The following ERAP1 variants were observed in gnomAD, a reference collection of about 807,000 sequenced individuals.
ERAP1 encodes the protein endoplasmic reticulum aminopeptidase 1.
ERAP1 carries 86 observed loss-of-function variants against 103.7 expected under a neutral mutation model. The observed-to-expected ratio is 0.83, with a 90% CI of 0.70 to 0.99. The LOEUF (loss-of-function observed/expected upper bound fraction) is 0.99. Ranked by LOEUF, ERAP1 falls within the 50% of genes least tolerant of loss-of-function variation. The pLI, the probability that ERAP1 is intolerant of heterozygous loss-of-function variation, is 0.00. For synonymous variants in ERAP1, 398 were observed against 402.4 expected, an observed-to-expected ratio of 0.99 and a Z score of 0.13; for missense variants, 1,009 against 1,128.4, an observed-to-expected ratio of 0.89 and a Z score of 1.52.
chr5:96,830,438 G>A, the ERAP1 span, among the ~76,000 whole-genome samples: 1 of 152,188 alleles, frequency 6.6e-6, no homozygotes, highest in African/African-American at 2.4e-5. Flanking sequence ...CGTGAGCAAG[G>A]ATGCTCATTG....
exon 20 of ERAP1, chr5:96,762,786 G>A (rs1056212719): frequency 4.1e-6 from 1 of 241,618 alleles, no homozygotes; most frequent in Non-Finnish European, 8.0e-6. Context: ...TTATGGAATC[G>A]TCATGTTTGA....
At chr5:96,829,407 T>C in the ERAP1 span, among the ~76,000 whole-genome samples, 1 of 152,230 alleles carries the variant, frequency 6.6e-6, no homozygotes, top group Non-Finnish European at 1.5e-5. Flanking sequence ...AGGGAAGGAA[T>C]TGAAAACATT....
chr5:96,830,953 C>T, the ERAP1 span, among the ~76,000 whole-genome samples: 5 of 152,146 alleles, frequency 3.3e-5, no homozygotes, highest in South Asian at 2.1e-4. Context: ...CTGCAGAACC[C>T]GTGTGTATGA....
At chr5:96,761,567 T>G (rs1767966392) in exon 20 of ERAP1, 1 of 152,328 alleles carries the variant, frequency 6.6e-6, no homozygotes, top group South Asian at 2.1e-4. Context: ...CTATCCATAG[T>G]TGGAGTCACC....
chr5:96,931,388 C>T, the ERAP1 span, among the ~76,000 whole-genome samples: 1 of 152,076 alleles, frequency 6.6e-6, no homozygotes, highest in Non-Finnish European at 1.5e-5. Context: ...AACTTCTGGG[C>T]CCAAGCAATC....
At chr5:96,847,134 G>C in the ERAP1 span, among the ~76,000 whole-genome samples, 28 of 150,558 alleles carry the variant, frequency 1.9e-4, no homozygotes, top group African/African-American at 6.8e-4. Flanking sequence ...TGTAATCCCA[G>C]CTACTTGGGA....
At chr5:96,814,437 G>A in the ERAP1 span, 4 of 403,824 alleles carry the variant, frequency 9.9e-6, no homozygotes, top group Admixed American at 1.1e-4. Context: ...ATAATCTTAG[G>A]ATTGGCATAG....
chr5:96,841,239 A>T, the ERAP1 span, among the ~76,000 whole-genome samples: 2 of 152,148 alleles, frequency 1.3e-5, no homozygotes, highest in Non-Finnish European at 2.9e-5. Context: ...TGCCCAGTTT[A>T]AAAAATTCCC....
the ERAP1 span, among the ~76,000 whole-genome samples, chr5:96,878,803 C>T: frequency 0.52 from 79,353 of 151,824 alleles, 20,919 homozygotes; most frequent in South Asian, 0.61. Context: ...TGGCACATAC[C>T]TGTAATCCCA....
the ERAP1 span, chr5:96,900,192 A>G: frequency 0.52 from 836,993 of 1,612,670 alleles, 218,571 homozygotes; most frequent in Admixed American, 0.61. Context: ...GTAACATGGT[A>G]AGGATAAAGA....
the ERAP1 span, chr5:96,881,107 T>G: frequency 3.9e-6 from 1 of 258,626 alleles, no homozygotes; most frequent in South Asian, 3.9e-5. Context: ...GAGAAAGGGA[T>G]CAGATCATGT....
chr5:96,873,781 T>C, the ERAP1 span: 1 of 225,900 alleles, frequency 4.4e-6, no homozygotes, highest in Non-Finnish European at 9.1e-6. Flanking sequence ...TGCTCTATAC[T>C]GGGCACTCAG....
chr5:96,823,256 C>T, the ERAP1 span: 1 of 400,458 alleles, frequency 2.5e-6, no homozygotes, highest in Non-Finnish European at 5.1e-6. Context: ...GCAGATGCCA[C>T]CTGCAGTCAA....
the ERAP1 span, among the ~76,000 whole-genome samples, chr5:96,837,026 C>T: frequency 6.6e-6 from 1 of 152,024 alleles, no homozygotes; most frequent in African/African-American, 2.4e-5. Context: ...GACTTTCAAT[C>T]AAAATATATT....
chr5:96,771,700 C>G, downstream of ERAP1: 3 of 1,599,106 alleles, frequency 1.9e-6, no homozygotes, highest in Non-Finnish European at 2.6e-6. Flanking sequence ...GTTAAGGTAT[C>G]TGGTAAGTTG....
At chr5:96,834,339 G>A in the ERAP1 span, among the ~76,000 whole-genome samples, 1 of 152,198 alleles carries the variant, frequency 6.6e-6, no homozygotes. Context: ...ATTTGTTAGA[G>A]TTTGTCAAGC....
At chr5:96,858,521 A>G in the ERAP1 span, among the ~76,000 whole-genome samples, 1 of 152,186 alleles carries the variant, frequency 6.6e-6, no homozygotes, top group Non-Finnish European at 1.5e-5. Context: ...CTTCACTTTA[A>G]TTGTGCCCGA....
the ERAP1 span, chr5:96,917,504 C>G: frequency 1.2e-6 from 2 of 1,613,556 alleles, no homozygotes; most frequent in East Asian, 2.2e-5. Context: ...AGGATCACAT[C>G]TGGATATTTT....
At chr5:96,844,271 A>G in the ERAP1 span, among the ~76,000 whole-genome samples, 1 of 152,282 alleles carries the variant, frequency 6.6e-6, no homozygotes, top group East Asian at 1.9e-4. Flanking sequence ...CAGCACAGCA[A>G]TCAAACTCTG....
Sources: gnomAD v4.1 joint callset for allele counts (sites outside exome capture counted in the v4.1 genomes callset) on GRCh38, gnomAD v4.1.1 for gene constraint, MANE v1.5 for transcripts, NCBI Gene and HGNC (gene_info 2026-07-23, HGNC 2026-07-21) for gene names.